The following SLC25A43 variants were observed in gnomAD, a reference collection of about 807,000 sequenced individuals.
The protein encoded by SLC25A43 is solute carrier family 25, member 43.
A neutral mutation model predicts 22.8 loss-of-function variants in SLC25A43; 10 were observed. That is an observed-to-expected ratio of 0.44 (90% confidence interval 0.27 to 0.74). The LOEUF is 0.74. SLC25A43 is among the 30% of genes least tolerant of loss of function. SLC25A43 has a pLI of 0.17. For missense variants in SLC25A43, 233 were observed against 279.1 expected, an observed-to-expected ratio of 0.83 and a Z score of 1.18; for synonymous variants, 106 against 121.6, an observed-to-expected ratio of 0.87 and a Z score of 0.84.
chrX:119,453,052 A>T lies in SLC25A43; in HGVS notation c.1013A>T (p.Lys338Ile), dbSNP rs2052717954. Residue 338 changes from lysine (K) to isoleucine (I), a missense_variant, in exon 5 of 5, where the codon AAA (lysine) becomes ATA (isoleucine). Lys to Ile is a moderately radical substitution (Grantham distance 102). Coordinates refer to ENST00000217909, the MANE Select transcript of SLC25A43 (RefSeq NM_145305.3). Reference sequence around the variant, plus strand: ...AAAACGAGAAAACCGAAGCCTAAAAAACCAACTCTATAAAATGGAATGGAA... The same window carrying T: ...AAAACGAGAAAACCGAAGCCTAAAATACCAACTCTATAAAATGGAATGGAA... ...FFKTRKPKPK[K>I]PTL 2 of 1,203,432 alleles carry T rather than the reference A, an allele frequency of 1.7e-6. No homozygotes were observed. The highest frequency in any genetic ancestry group is 1.8e-5 in the South Asian group (1 of 56,748).
intron 2 of SLC25A43, among the ~76,000 whole-genome samples, chrX:119,408,535 G>T (rs936658336): frequency 9.0e-6 from 1 of 111,484 alleles, no homozygotes; most frequent in Non-Finnish European, 1.9e-5. Flanking sequence ...CTCCTCTTTC[G>T]ATTCCCAGCA....
rs1230962279 is a variant in SLC25A43, at chrX:119,453,368, A to G, written c.*303A>G. The G allele has an allele frequency of 1.5e-5, 4 of 260,758 alleles. No homozygotes were observed. The highest frequency in any genetic ancestry group is 2.8e-5 in the African/African-American group (1 of 36,020). 21.5% of individuals were successfully genotyped at this position (260,758 alleles called of 1,213,427 possible). A position where few individuals can be genotyped will look rare whatever the true frequency, so the allele number is the denominator to read the frequency against. On this transcript the variant is annotated 3_prime_UTR_variant, in exon 5 of 5. Transcript: ENST00000217909. Reference sequence around the variant, plus strand: ...CTGAATAGAAACATGACACCAAAGAAAGGGCATTGCCATGACATCTCAAAG... The same window carrying G: ...CTGAATAGAAACATGACACCAAAGAGAGGGCATTGCCATGACATCTCAAAG...
chrX:119,449,874 G>A (rs182923428), intron 3 of SLC25A43, among the ~76,000 whole-genome samples: 2 of 112,070 alleles, frequency 1.8e-5, no homozygotes, highest in African/African-American at 6.5e-5. Context: ...ATGGAAAGGA[G>A]GATTGCTTGG....
chrX:119,426,629 C>T (rs1247418120), intron 3 of SLC25A43, among the ~76,000 whole-genome samples: 1 of 110,660 alleles, frequency 9.0e-6, no homozygotes, highest in Non-Finnish European at 1.9e-5. Context: ...TCCAGACCAG[C>T]CTGGCCAACA....
chrX:119,452,514 CAAAA>C (rs1376876077), intron 4 of SLC25A43, among the ~76,000 whole-genome samples: 1 of 100,957 alleles, frequency 9.9e-6, no homozygotes, highest in Non-Finnish European at 2.0e-5. Context: ...AAAACAAAAA[CAAAA>C]AACATTAAGC....
chrX:119,447,519 G>A (rs1190884731), intron 3 of SLC25A43, among the ~76,000 whole-genome samples: 1 of 110,253 alleles, frequency 9.1e-6, no homozygotes, highest in Non-Finnish European at 1.9e-5. Context: ...TGTTGCCCAG[G>A]CTGGTCTTGA....
intron 1 of SLC25A43, among the ~76,000 whole-genome samples, chrX:119,403,656 C>G (rs895614922): frequency 2.7e-5 from 3 of 111,950 alleles, no homozygotes; most frequent in African/African-American, 6.5e-5. Flanking sequence ...CTTGACTGGC[C>G]AGGGTATAGA....
At chrX:119,411,882 A>T (rs2052352354) in intron 3 of SLC25A43, among the ~76,000 whole-genome samples, 1 of 111,906 alleles carries the variant, frequency 8.9e-6, no homozygotes, top group Non-Finnish European at 1.9e-5. Context: ...AAAAATAAAA[A>T]TTTTTAAAAA....
At chrX:119,446,697 A>C (rs191843644) in intron 3 of SLC25A43, among the ~76,000 whole-genome samples, 33 of 112,371 alleles carry the variant, frequency 2.9e-4, no homozygotes, top group African/African-American at 9.4e-4. Flanking sequence ...AAATTATGTG[A>C]AAATGCTTTA....
intron 1 of SLC25A43, 47 bp downstream of exon 1, chrX:119,399,725 G>T: frequency 1.0e-6 from 1 of 976,641 alleles, no homozygotes; most frequent in South Asian, 3.5e-5. Flanking sequence ...GACGGGGGTG[G>T]GGTGGGGGAG....
intron 1 of SLC25A43, among the ~76,000 whole-genome samples, chrX:119,401,329 A>C (rs1002619566): frequency 3.6e-5 from 4 of 111,734 alleles, no homozygotes; most frequent in Non-Finnish European, 7.5e-5. Context: ...CAATGCCAGG[A>C]TGGAAGGGGC....
intron 3 of SLC25A43, among the ~76,000 whole-genome samples, chrX:119,448,053 G>A (rs6655498): frequency 0.087 from 9,669 of 110,928 alleles, 523 homozygotes; most frequent in African/African-American, 0.18. Context: ...CTCCCATAGC[G>A]TCCTCCATCT....
intron 3 of SLC25A43, among the ~76,000 whole-genome samples, chrX:119,433,949 T>C (rs1356593277): frequency 1.8e-5 from 2 of 111,310 alleles, no homozygotes; most frequent in African/African-American, 3.3e-5. Context: ...CACTGAAGAG[T>C]TGAAGTCAAG....
chrX:119,412,738 T>A (rs1200326697), intron 3 of SLC25A43, among the ~76,000 whole-genome samples: 3 of 112,613 alleles, frequency 2.7e-5, no homozygotes, highest in Non-Finnish European at 5.6e-5. Flanking sequence ...TACATATTTG[T>A]AGAATTTTAT....
chrX:119,434,481 A>C (rs765474163), intron 3 of SLC25A43: 1 of 107,061 alleles, frequency 9.3e-6, no homozygotes, highest in East Asian at 3.0e-4. Flanking sequence ...CTTGGGTCAC[A>C]AAAGAGTGAC....
rs769211935 is a variant in SLC25A43, at chrX:119,410,028, A to G, written c.518-162A>G. 1.3e-4 allele frequency among the ~76,000 whole-genome samples: 15 copies of G among 111,978 alleles called. No individual in the cohort carries two copies. The East Asian group carries it at 4.2e-3, about 31-fold the overall frequency. On this transcript the variant is annotated intron_variant, in intron 2 of 4. Transcript: ENST00000217909. The stretch of plus-strand genomic sequence containing the variant: ...AACCCCTACCAAAATATAGCACATT[A>G]TCGCACTCAAGAAAGTTCCCTCATG...
intron 3 of SLC25A43, among the ~76,000 whole-genome samples, chrX:119,441,290 C>T (rs772813779): frequency 4.2e-4 from 32 of 76,624 alleles, no homozygotes; most frequent in Non-Finnish European, 6.7e-4. Context: ...TGACCCCTTG[C>T]GCTTCCCAGG....
intron 3 of SLC25A43, among the ~76,000 whole-genome samples, chrX:119,414,286 T>G (rs1034734107): frequency 1.8e-5 from 2 of 112,678 alleles, no homozygotes; most frequent in Non-Finnish European, 3.7e-5. Context: ...TGGTAAGAAG[T>G]CTTTATATAT....
At chrX:119,420,515 C>T in intron 3 of SLC25A43, among the ~76,000 whole-genome samples, 1 of 110,427 alleles carries the variant, frequency 9.1e-6, no homozygotes, top group East Asian at 2.9e-4. Flanking sequence ...CTTATGTTGC[C>T]TAGGCTGGTC....
Sources: gnomAD v4.1 joint callset for allele counts (sites outside exome capture counted in the v4.1 genomes callset) on GRCh38, gnomAD v4.1.1 for gene constraint, MANE v1.5 for transcripts, NCBI Gene and HGNC (gene_info 2026-07-23, HGNC 2026-07-21) for gene names.